The following TDRD9 variants were observed in gnomAD, a reference collection of about 807,000 sequenced individuals.
TDRD9 encodes tudor domain containing 9, also known as ATP-dependent RNA helicase TDRD9.
TDRD9 carries 124 observed loss-of-function variants against 172.6 expected under a neutral mutation model. That is an observed-to-expected ratio of 0.72 (90% CI 0.62 to 0.83). The LOEUF (loss-of-function observed/expected upper bound fraction) is 0.83. Ranked by LOEUF, TDRD9 falls within the 40% of genes least tolerant of loss-of-function variation. The pLI, the probability that TDRD9 is intolerant of heterozygous loss-of-function variation, is 0.00. For missense variants in TDRD9, 1,479 were observed against 1,714.1 expected, an observed-to-expected ratio of 0.86 and a Z score of 2.42; for synonymous variants, 619 against 617.1, an observed-to-expected ratio of 1.00 and a Z score of -0.05.
chr14:103,956,436 C>T (rs996051022), intron 2 of TDRD9, among the ~76,000 whole-genome samples: 1 of 150,054 alleles, frequency 6.7e-6, no homozygotes, highest in African/African-American at 2.5e-5. Context: ...GACTCCGTCT[C>T]AAAAAAAAGA....
In TDRD9 at chr14:104,023,150, A is replaced by C. The variant is rs533051524; in HGVS notation, c.2606+820A>C. Among the ~76,000 whole-genome samples the C allele has an allele frequency of 3.1e-3, 379 of 123,140 alleles. 2 individuals are homozygous for C. The Middle Eastern group carries it at 0.05, about 16-fold the overall frequency. The allele number at this position is 123,140 out of a possible 152,430, so 80.8% of individuals were successfully genotyped here. On this transcript the variant is annotated intron_variant, in intron 24 of 35. Transcript: ENST00000409874. ...TGATGAGCTGAGATCACGCCACTGC[A>C]CTCCACCCTGGGCGACAGAGCGAGA... is the stretch of plus-strand genomic sequence containing the variant.
intron 13 of TDRD9, among the ~76,000 whole-genome samples, chr14:104,000,611 C>T (rs995610371): frequency 1.3e-5 from 2 of 151,884 alleles, no homozygotes; most frequent in Non-Finnish European, 1.5e-5. Flanking sequence ...ATGGTGAAAC[C>T]CTGTCTCTAC....
At chr14:103,953,409 AC>A (rs1242053043) in intron 1 of TDRD9, among the ~76,000 whole-genome samples, 1 of 151,662 alleles carries the variant, frequency 6.6e-6, no homozygotes, top group Non-Finnish European at 1.5e-5. Flanking sequence ...ATATTTTGGA[AC>A]AGGTAAAAGT....
At chr14:104,047,629 C>T (rs1025132006) in intron 34 of TDRD9, among the ~76,000 whole-genome samples, 2 of 152,164 alleles carry the variant, frequency 1.3e-5, no homozygotes, top group South Asian at 2.1e-4. Flanking sequence ...TCTGTCAGTG[C>T]GCTGGTGTTA....
intron 9 of TDRD9, among the ~76,000 whole-genome samples, chr14:103,993,937 G>GATGGAA (rs2033964990): frequency 6.6e-6 from 1 of 152,210 alleles, no homozygotes; most frequent in South Asian, 2.1e-4. Flanking sequence ...ACGGAGGCCT[G>GATGGAA]ATGGAAATGG....
intron 1 of TDRD9, among the ~76,000 whole-genome samples, chr14:103,946,449 C>T (rs1427400199): frequency 6.6e-6 from 1 of 152,198 alleles, no homozygotes; most frequent in Non-Finnish European, 1.5e-5. Flanking sequence ...TAACATCATA[C>T]TCAATGGAAG....
chr14:104,004,445 A>C, intron 14 of TDRD9, 110 bp downstream of exon 14: 1 of 569,306 alleles, frequency 1.8e-6, no homozygotes, highest in Non-Finnish European at 3.1e-6. Flanking sequence ...CACTGGCATG[A>C]TCTTGGCTCA....
In TDRD9 at chr14:103,991,008, G is replaced by C. The variant is rs1005432948; in HGVS notation, c.1116-152G>C. Among the ~76,000 whole-genome samples, 12 of 152,176 alleles carry C rather than the reference G, an allele frequency of 7.9e-5. No homozygotes were observed. In the East Asian group the frequency reaches 2.3e-3, roughly 29 times the overall value. On this transcript the variant is annotated intron_variant, in intron 8 of 35. Coordinates refer to ENST00000409874, the MANE Select transcript of TDRD9 (RefSeq NM_153046.3). ...CCTTGGATGTTTTCTCATCTTTTTGGGCTTCGTGTTTTCTTATGTAAAATA... is the reference window on the plus strand; with the variant it reads ...CCTTGGATGTTTTCTCATCTTTTTGCGCTTCGTGTTTTCTTATGTAAAATA...
At chr14:103,977,492 CAAAAAAAAAAAAAAA>C (rs57634354) in intron 7 of TDRD9, among the ~76,000 whole-genome samples, 1 of 53,178 alleles carries the variant, frequency 1.9e-5, no homozygotes, top group Non-Finnish European at 3.2e-5. Flanking sequence ...GACTCCATCT[CAAAAAAAAAAAAAAA>C]AAAAAAAAAA....
At chr14:103,952,216 ATATATTTTT>A (rs2031948275) in intron 1 of TDRD9, among the ~76,000 whole-genome samples, 1 of 49,918 alleles carries the variant, frequency 2.0e-5, no homozygotes, top group Non-Finnish European at 3.4e-5. Context: ...ATATATATAT[ATATATTTTT>A]TTTTTTTTTT....
intron 5 of TDRD9, among the ~76,000 whole-genome samples, chr14:103,969,870 C>A (rs1041345546): frequency 6.6e-6 from 1 of 152,036 alleles, no homozygotes; most frequent in Non-Finnish European, 1.5e-5. Context: ...ACTGTGAGGT[C>A]TCTGTCTGAG....
At chr14:103,983,565 T>G (rs1367017228) in intron 7 of TDRD9, among the ~76,000 whole-genome samples, 1 of 152,190 alleles carries the variant, frequency 6.6e-6, no homozygotes, top group African/African-American at 2.4e-5. Context: ...CTTCTTACTC[T>G]GGGTGAAAAA....
intron 3 of TDRD9, 48 bp from the exon 4 acceptor site, chr14:103,965,285 T>C: frequency 6.7e-7 from 1 of 1,495,272 alleles, no homozygotes; most frequent in Non-Finnish European, 9.1e-7. Context: ...GGTGATACTT[T>C]ACATTGCCAT....
In TDRD9 at chr14:103,939,743, G is replaced by GTTTTTTTGTTTTTTTTT. The variant is rs1555362794; in HGVS notation, c.215+11026_215+11027insGTTTTTTTTTTTTTTTT. On this transcript the variant is annotated intron_variant, in intron 1 of 35. Transcript: ENST00000409874. ...AGTTCTAGTCTTTTTGAAAAAAAGT[G>GTTTTTTTGTTTTTTTTT]TTTTTTTTTTTTTTTTTTTTTGAGA... is the stretch of plus-strand genomic sequence containing the variant. The GTTTTTTTGTTTTTTTTT allele has an allele frequency of 1.7e-4, 3 of 17,464 alleles. 1 individual carries two copies. The South Asian group carries it at 0.017, about 99-fold the overall frequency. 1.1% of individuals were successfully genotyped at this position (17,464 alleles called of 1,614,324 possible).
chr14:103,940,392 G>C (rs1019093914), intron 1 of TDRD9: 1 of 155,514 alleles, frequency 6.4e-6, no homozygotes, highest in African/African-American at 2.4e-5. Flanking sequence ...ATGGGATGTT[G>C]ACTTCTCATT....
In TDRD9 at chr14:103,989,015, C is replaced by CA. The variant is rs571629951; in HGVS notation, c.1116-2138dup. Among the ~76,000 whole-genome samples the CA allele has an allele frequency of 3.2e-3, 483 of 152,112 alleles. 5 individuals are homozygous for CA. The highest frequency in any genetic ancestry group is 0.011 in the African/African-American group (468 of 41,514). On this transcript the variant is annotated intron_variant, in intron 8 of 35. Transcript: ENST00000409874. ...TCTCTGGGGTCGGCTGTTTTCAGCA[C>CA]AAAAAAACTTCCTTTAGTATTTCTA...
chr14:103,950,119 C>A (rs1337031249), intron 1 of TDRD9, among the ~76,000 whole-genome samples: 1 of 89,276 alleles, frequency 1.1e-5, no homozygotes, highest in Non-Finnish European at 2.1e-5. Context: ...GATGGAGTTT[C>A]GCTCTTGTTG....
chr14:104,046,732 G>GC (rs992488516), intron 34 of TDRD9, among the ~76,000 whole-genome samples: 25 of 151,264 alleles, frequency 1.7e-4, no homozygotes, highest in Admixed American at 1.1e-3. Context: ...TGCAAGCTCC[G>GC]CCCCCCGGGT....
At position 104,024,769 on chromosome 14, in the gene TDRD9, C is replaced by T. The variant is rs959607006; in HGVS notation, c.2718+89C>T. ...AAGTTTACACACACACACACACACACACACACACACACACACACACAGAAC... is the reference window on the plus strand; with the variant it reads ...AAGTTTACACACACACACACACACATACACACACACACACACACACAGAAC... On this transcript the variant is annotated intron_variant, in intron 25 of 35. Coordinates refer to ENST00000409874, the MANE Select transcript of TDRD9 (RefSeq NM_153046.3). 6.3e-4 allele frequency: 331 copies of T among 522,654 alleles called. 3 individuals carry two copies. Among genetic ancestry groups the T allele is most frequent in the Non-Finnish European group, 9.2e-4 (276 of 298,650 alleles). The allele number at this position is 522,654 out of a possible 1,614,324, so 32.4% of individuals were successfully genotyped here.
Sources: gnomAD v4.1 joint callset for allele counts (sites outside exome capture counted in the v4.1 genomes callset) on GRCh38, gnomAD v4.1.1 for gene constraint, MANE v1.5 for transcripts, NCBI Gene and HGNC (gene_info 2026-07-23, HGNC 2026-07-21) for gene names.